PRKN: variants seen among roughly 807,000 people sequenced by gnomAD.
PRKN encodes the protein E3 ubiquitin-protein ligase parkin.
Under a neutral mutation model 59.5 loss-of-function variants are expected in PRKN, and 56 were observed. The observed-to-expected ratio is 0.94, with a 90% CI of 0.76 to 1.18. The LOEUF (loss-of-function observed/expected upper bound fraction) is 1.18, where lower values mean the gene tolerates loss of function less well. Ranked by LOEUF, PRKN falls within the 50% of genes most tolerant of loss-of-function variation. The probability of loss-of-function intolerance (pLI) is 0.00; values close to 1 mark genes in which losing one functional copy is unlikely to be tolerated. For missense variants in PRKN, 657 were observed against 596.4 expected, an observed-to-expected ratio of 1.10 and a Z score of -1.06; for synonymous variants, 250 against 222.1, an observed-to-expected ratio of 1.13 and a Z score of -1.12.
intron 6 of PRKN, among the ~76,000 whole-genome samples, chr6:161,967,882 A>T (rs563998022): frequency 6.6e-6 from 1 of 152,306 alleles, no homozygotes; most frequent in African/African-American, 2.4e-5. Context: ...TACATTTTAC[A>T]TAAGATAAGG....
chr6:161,685,331 C>T (rs1182850162), intron 7 of PRKN, among the ~76,000 whole-genome samples: 2 of 152,174 alleles, frequency 1.3e-5, no homozygotes, highest in Non-Finnish European at 1.5e-5. Flanking sequence ...TGAGACCCAT[C>T]GCATGATTTC....
At chr6:161,833,767 G>T (rs1251770531) in intron 6 of PRKN, among the ~76,000 whole-genome samples, 3 of 152,164 alleles carry the variant, frequency 2.0e-5, no homozygotes, top group Admixed American at 2.0e-4. Context: ...CACGACAGTG[G>T]ACACAGAGGT....
intron 4 of PRKN, among the ~76,000 whole-genome samples, chr6:162,141,730 AC>A (rs765329973): frequency 4.4e-4 from 67 of 152,324 alleles, no homozygotes; most frequent in Non-Finnish European, 7.6e-4. Context: ...AGTGGTATAT[AC>A]TGTTGGGAAG....
At chr6:162,556,376 T>TGC (rs1779594297) in intron 1 of PRKN, among the ~76,000 whole-genome samples, 1 of 80,214 alleles carries the variant, frequency 1.2e-5, no homozygotes, top group Admixed American at 1.2e-4. Flanking sequence ...TGTGTGTGTG[T>TGC]GTGTGTGTGT....
At chr6:161,960,596 C>A (rs1467532398) in intron 6 of PRKN, among the ~76,000 whole-genome samples, 1 of 152,158 alleles carries the variant, frequency 6.6e-6, no homozygotes, top group African/African-American at 2.4e-5. Flanking sequence ...AGAGCCTTCA[C>A]CAGACGAGGC....
At chr6:162,629,141 TAC>T (rs372840839) in intron 1 of PRKN, among the ~76,000 whole-genome samples, 153 of 152,264 alleles carry the variant, frequency 1.0e-3, no homozygotes, top group African/African-American at 3.2e-3. Context: ...ATGCCTTTCA[TAC>T]ATAGATTAAA....
chr6:161,400,661 T>TC lies in PRKN; in HGVS notation c.1084-13785dup, dbSNP rs1786991422. Among the ~76,000 whole-genome samples the TC allele has an allele frequency of 2.0e-5, 3 of 152,130 alleles. No individual in the cohort carries two copies. The highest frequency in any genetic ancestry group is 7.2e-5 in the African/African-American group (3 of 41,504). On this transcript the variant is annotated intron_variant, in intron 9 of 11. Transcript: ENST00000366898. The surrounding 1 kb of genome is among the most constrained non-coding windows in gnomAD (Gnocchi z 4.2). ...CAAAGAAATTCAGATTTTTTTTTTT[T>TC]CGAATAAAGGATGCTGTGTTTATTT...
intron 2 of PRKN, among the ~76,000 whole-genome samples, chr6:162,376,066 T>A (rs913662018): frequency 1.3e-5 from 2 of 152,154 alleles, no homozygotes; most frequent in African/African-American, 4.8e-5. Flanking sequence ...CTCTTCATTC[T>A]AATACTTAGC....
At chr6:162,480,830 G>C (rs935248945) in intron 1 of PRKN, among the ~76,000 whole-genome samples, 2 of 151,952 alleles carry the variant, frequency 1.3e-5, no homozygotes, top group African/African-American at 4.8e-5. Flanking sequence ...TTTTAAGACA[G>C]AGTCTTGCTC....
At chr6:162,296,881 A>G (rs1781699443) in intron 2 of PRKN, among the ~76,000 whole-genome samples, 1 of 152,178 alleles carries the variant, frequency 6.6e-6, no homozygotes, top group Admixed American at 6.5e-5. Flanking sequence ...ATGCCACCTC[A>G]GCTTTCCAAA....
At chr6:162,712,220 G>T (rs1206944595) in intron 1 of PRKN, among the ~76,000 whole-genome samples, 2 of 152,126 alleles carry the variant, frequency 1.3e-5, no homozygotes, top group African/African-American at 4.8e-5. Context: ...GTCTTGTTGG[G>T]ATACCAAGAC....
rs567301787 is a variant in PRKN at position 161,546,294 on chromosome 6, C to A, written c.1083+2560G>T. The stretch of plus-strand genomic sequence containing the variant: ...TACCCTATTTTAGAGATAAGGAAAC[C>A]GAGAAAGATGAAAACCACAAGTAGT... On this transcript the variant is annotated intron_variant, in intron 9 of 11. Transcript: ENST00000366898. The surrounding 1 kb of genome is among the most constrained non-coding windows in gnomAD (Gnocchi z 4.4). Among the ~76,000 whole-genome samples, 4 of 151,964 alleles carry A rather than the reference C, an allele frequency of 2.6e-5. No individual in the cohort carries two copies. Among genetic ancestry groups the A allele is most frequent in the Admixed American group, 2.6e-4 (4 of 15,256 alleles).
chr6:162,119,129 T>A (rs1780800746), intron 4 of PRKN, among the ~76,000 whole-genome samples: 1 of 152,210 alleles, frequency 6.6e-6, no homozygotes, highest in African/African-American at 2.4e-5. Context: ...TTCTTGTGGA[T>A]CCTGGTAGAC....
chr6:161,805,478 A>ACACATGCATG (rs61442187), intron 6 of PRKN, among the ~76,000 whole-genome samples: 8 of 149,364 alleles, frequency 5.4e-5, no homozygotes, highest in Admixed American at 5.3e-4. Context: ...ACACACACAC[A>ACACATGCATG]CATGCATGTA....
At chr6:161,537,576 G>A (rs929188838) in intron 9 of PRKN, among the ~76,000 whole-genome samples, 11 of 151,360 alleles carry the variant, frequency 7.3e-5, no homozygotes, top group African/African-American at 1.7e-4. Context: ...CTCAGCCTCC[G>A]GAGTAGCTGG....
At chr6:162,159,332 A>G (rs142152857) in intron 4 of PRKN, among the ~76,000 whole-genome samples, 1 of 152,308 alleles carries the variant, frequency 6.6e-6, no homozygotes, top group Non-Finnish European at 1.5e-5. Context: ...TTTTCTATAT[A>G]TTAGCAACAC....
chr6:161,857,273 C>T (rs1194018252), intron 6 of PRKN, among the ~76,000 whole-genome samples: 1 of 152,122 alleles, frequency 6.6e-6, no homozygotes, highest in Non-Finnish European at 1.5e-5. Context: ...GCTTTGTAAA[C>T]CATACATCCT....
chr6:161,926,865 G>C (rs910188329), intron 6 of PRKN, among the ~76,000 whole-genome samples: 1 of 152,182 alleles, frequency 6.6e-6, no homozygotes. Flanking sequence ...AGGGCAAGTA[G>C]TGGCAAACCC....
chr6:161,679,676 C>A (rs1289703465), intron 7 of PRKN, among the ~76,000 whole-genome samples: 2 of 83,596 alleles, frequency 2.4e-5, no homozygotes, highest in Non-Finnish European at 5.3e-5. Context: ...ATAGAACCAC[C>A]CCCCCCCCTT....
Sources: allele counts gnomAD v4.1 joint callset (sites outside exome capture counted in the v4.1 genomes callset), GRCh38; gene constraint gnomAD v4.1.1; non-coding constraint Gnocchi (gnomAD v3.1); transcripts MANE v1.5; gene names NCBI Gene and HGNC (gene_info 2026-07-23, HGNC 2026-07-21).